PIEZO2: variants seen among roughly 807,000 people sequenced by gnomAD.
The protein encoded by PIEZO2 is piezo-type mechanosensitive ion channel component 2.
Under a neutral mutation model 337.3 loss-of-function variants are expected in PIEZO2, and 172 were observed. The ratio of observed to expected loss-of-function variants is 0.51; its 90% CI spans 0.45 to 0.58. PIEZO2 has a LOEUF of 0.58. Ranked by LOEUF, PIEZO2 falls within the 20% of genes least tolerant of loss-of-function variation. The pLI is 0.00. For missense variants in PIEZO2, 3,028 were observed against 3,391.3 expected, an observed-to-expected ratio of 0.89 and a Z score of 2.66; for synonymous variants, 1,251 against 1,228.5, an observed-to-expected ratio of 1.02 and a Z score of -0.38.
chr18:10,902,054 T>C (rs1345627164), intron 4 of PIEZO2, among the ~76,000 whole-genome samples: 1 of 152,228 alleles, frequency 6.6e-6, no homozygotes, highest in Admixed American at 6.5e-5. Flanking sequence ...CTCCACCTCC[T>C]GTCAGATTAG....
chr18:11,060,840 T>C (rs1309604933), intron 2 of PIEZO2, among the ~76,000 whole-genome samples: 1 of 148,866 alleles, frequency 6.7e-6, no homozygotes, highest in African/African-American at 2.5e-5. Flanking sequence ...AAGGAGGAGC[T>C]GGTACCATTC....
At position 10,769,226 on chromosome 18, in the gene PIEZO2, G is replaced by C. The variant is rs60294018; in HGVS notation, c.2946+922C>G. ...GATTTGGGCTCCATTTAACGTATAC[G>C]CCCAGTGACTTAACATTGGAGCCGC... On this transcript the variant is annotated intron_variant, in intron 21 of 55. Transcript: ENST00000674853. 9.5e-3 allele frequency among the ~76,000 whole-genome samples: 1,443 copies of C among 152,166 alleles called. 27 individuals carry two copies. Among genetic ancestry groups the C allele is most frequent in the African/African-American group, 0.033 (1,379 of 41,510 alleles).
At chr18:10,708,808 T>C (rs2035696049) in intron 39 of PIEZO2, among the ~76,000 whole-genome samples, 1 of 152,246 alleles carries the variant, frequency 6.6e-6, no homozygotes, top group Non-Finnish European at 1.5e-5. Context: ...ATGCTTTATT[T>C]GGAGCTTGCA....
chr18:10,944,999 G>T (rs376510988), intron 3 of PIEZO2, among the ~76,000 whole-genome samples: 1 of 152,128 alleles, frequency 6.6e-6, no homozygotes, highest in Non-Finnish European at 1.5e-5. Flanking sequence ...TACTCCCTCA[G>T]TAGAGGAGAC....
At chr18:11,019,127 T>C (rs929089694) in intron 2 of PIEZO2, among the ~76,000 whole-genome samples, 2 of 152,164 alleles carry the variant, frequency 1.3e-5, no homozygotes, top group Non-Finnish European at 2.9e-5. Context: ...GATGTCTCCA[T>C]TGACGTAGGT....
Position 10,813,929 on chromosome 18 carries a change from T to C in PIEZO2, c.918-6655A>G, listed in dbSNP as rs910065597. ...GCCAAGTCTTGTTATTTTATGCTTT[T>C]CAGAGTAGTCATCCTAATAGGTGTG... On this transcript the variant is annotated intron_variant, in intron 7 of 55. Transcript: ENST00000674853. This position sits in a 1 kb window ranked among gnomAD's most constrained non-coding sequence, Gnocchi z 4.2. Among the ~76,000 whole-genome samples the C allele has an allele frequency of 4.6e-5, 7 of 152,074 alleles. No individual in the cohort carries two copies. Among genetic ancestry groups the C allele is most frequent in the Admixed American group, 2.6e-4 (4 of 15,260 alleles).
rs1380330050 is a variant in PIEZO2 at position 10,807,103 on chromosome 18, T to C, written c.1080+9A>G. 7 of 1,530,956 alleles carry C rather than the reference T, an allele frequency of 4.6e-6. No individual in the cohort carries two copies. The highest frequency in any genetic ancestry group is 6.1e-6 in the Non-Finnish European group (7 of 1,143,048). 94.8% of individuals were successfully genotyped at this position (1,530,956 alleles called of 1,614,324 possible). ...GCAGACAAGATCATGAAAATGTTTT[T>C]GTCCTTACAAGGGGCTCTTGCAGCC... On this transcript the variant is annotated intron_variant, in intron 8 of 55. Transcript: ENST00000674853.
rs1229567254 is a variant in PIEZO2, at chr18:10,759,553, A to G, written c.3686T>C (p.Phe1229Ser). 2 of 1,537,358 alleles carry G rather than the reference A, an allele frequency of 1.3e-6. No homozygotes were observed. Among genetic ancestry groups the G allele is most frequent in the Non-Finnish European group, 1.7e-6 (2 of 1,146,942 alleles). The change falls in exon 26 of 56, where the codon TTC becomes TCC. Residue 1229 changes from phenylalanine to serine, a missense_variant. Physicochemically the swap from Phe to Ser is radical, Grantham distance 155. Coordinates refer to ENST00000674853, the MANE Select transcript of PIEZO2 (RefSeq NM_001378183.1). The surrounding 1 kb of genome is among the most constrained non-coding windows in gnomAD (Gnocchi z 5.5). Reference sequence around the variant, plus strand: ...CAGCCACTTTATGATGTTGTCATTGAAGCTGGCACCCTTGAATCTCCACGG... The same window carrying G: ...CAGCCACTTTATGATGTTGTCATTGGAGCTGGCACCCTTGAATCTCCACGG... ...DYPWRFKGASFNDNIIKWLYF... is the reference protein window; with the variant it reads ...DYPWRFKGASSNDNIIKWLYF...
intron 2 of PIEZO2, among the ~76,000 whole-genome samples, chr18:10,994,001 G>A (rs1355891255): frequency 2.0e-5 from 3 of 151,924 alleles, no homozygotes; most frequent in Admixed American, 6.6e-5. Context: ...TTTATCCCTC[G>A]CCCCTTCCCA....
intron 7 of PIEZO2, among the ~76,000 whole-genome samples, chr18:10,842,939 T>G (rs988917257): frequency 6.6e-6 from 1 of 152,222 alleles, no homozygotes; most frequent in Non-Finnish European, 1.5e-5. Flanking sequence ...TTTAAAAGTA[T>G]CTTGCTTCTC....
chr18:11,055,210 C>A (rs1487154077), intron 2 of PIEZO2, among the ~76,000 whole-genome samples: 590 of 79,390 alleles, frequency 7.4e-3, no homozygotes, highest in Non-Finnish European at 9.9e-3. Context: ...GACTCTGTCT[C>A]AAAAAAAAAA....
rs778455895 is a variant in PIEZO2, at chr18:10,813,662, C to A, written c.918-6388G>T. On this transcript the variant is annotated intron_variant, in intron 7 of 55. Transcript: ENST00000674853. This position sits in a 1 kb window ranked among gnomAD's most constrained non-coding sequence, Gnocchi z 4.2. Reference sequence around the variant, plus strand: ...ATTCATCTGTTGATGGCACTTCCACCTTCTGACTATTGTTCATAACGCTGT... The same window carrying A: ...ATTCATCTGTTGATGGCACTTCCACATTCTGACTATTGTTCATAACGCTGT... Among the ~76,000 whole-genome samples the A allele has an allele frequency of 2.0e-5, 3 of 152,124 alleles. No individual in the cohort carries two copies. The highest frequency in any genetic ancestry group is 4.8e-5 in the African/African-American group (2 of 41,414).
intron 2 of PIEZO2, among the ~76,000 whole-genome samples, chr18:11,005,168 A>G (rs1029321274): frequency 6.6e-6 from 1 of 152,186 alleles, no homozygotes; most frequent in Non-Finnish European, 1.5e-5. Flanking sequence ...TGGGGGAAAA[A>G]CAATTAGGCT....
At chr18:10,686,505 T>C (rs2034551212) in intron 49 of PIEZO2, among the ~76,000 whole-genome samples, 1 of 152,236 alleles carries the variant, frequency 6.6e-6, no homozygotes, top group Non-Finnish European at 1.5e-5. Flanking sequence ...TGTGCGTTTG[T>C]AAATAGGCAA....
intron 2 of PIEZO2, among the ~76,000 whole-genome samples, chr18:10,987,150 T>G (rs544845720): frequency 6.6e-6 from 1 of 152,192 alleles, no homozygotes; most frequent in South Asian, 2.1e-4. Flanking sequence ...AATCTACAGA[T>G]TCAATGCAAT....
At position 10,845,186 on chromosome 18, in the gene PIEZO2, TTG is replaced by T. The variant is rs549023682; in HGVS notation, c.917+10165_917+10166del. On this transcript the variant is annotated intron_variant, in intron 7 of 55. Coordinates refer to ENST00000674853, the MANE Select transcript of PIEZO2 (RefSeq NM_001378183.1). ...ATAATTATTATTATAATTTTTCCCA[TTG>T]TGTGTGTGTGTGTATATATATATAT... is the stretch of plus-strand genomic sequence containing the variant. Among the ~76,000 whole-genome samples, 957 of 136,896 alleles carry T rather than the reference TTG, an allele frequency of 7.0e-3. 11 individuals are homozygous for T. Among genetic ancestry groups the T allele is most frequent in the African/African-American group, 0.023 (840 of 36,634 alleles). 89.8% of individuals were successfully genotyped at this position (136,896 alleles called of 152,430 possible).
At chr18:11,095,223 A>T (rs1424776623) in intron 1 of PIEZO2, among the ~76,000 whole-genome samples, 1 of 152,192 alleles carries the variant, frequency 6.6e-6, no homozygotes, top group Non-Finnish European at 1.5e-5. Flanking sequence ...ATAAACAAAA[A>T]CCTTATCAGC....
At position 10,725,474 on chromosome 18, in the gene PIEZO2, T is replaced by C. The variant is rs1260697680; in HGVS notation, c.5029+5933A>G. The C allele has an allele frequency of 1.1e-5, 17 of 1,534,804 alleles. No individual in the cohort carries two copies. The South Asian group carries it at 2.0e-4, about 18-fold the overall frequency. On this transcript the variant is annotated intron_variant, in intron 36 of 55. Coordinates refer to ENST00000674853, the MANE Select transcript of PIEZO2 (RefSeq NM_001378183.1). Reference sequence around the variant, plus strand: ...GGCATGAAATAGGTCAGGGTGTGGGTATCCGGGTGGATGGGTAGGCATGAA... The same window carrying C: ...GGCATGAAATAGGTCAGGGTGTGGGCATCCGGGTGGATGGGTAGGCATGAA...
chr18:10,787,127 A>T lies in PIEZO2; in HGVS notation c.2227T>A (p.Tyr743Asn). Reference sequence around the variant, plus strand: ...ATAAAGATAAGCACCAGCATAGTGTAAATAACCACTGACATCCAAAAATAT... The same window carrying T: ...ATAAAGATAAGCACCAGCATAGTGTTAATAACCACTGACATCCAAAAATAT... ...LKYFWMSVVI[Y>N]TMLVLIFIYT... Residue 743 changes from tyrosine to asparagine, a missense_variant, in exon 16 of 56, where the codon TAC becomes AAC. Tyr to Asn is a moderately radical substitution (Grantham distance 143). Transcript: ENST00000674853. The T allele has an allele frequency of 6.5e-7, 1 of 1,536,028 alleles. No individual in the cohort carries two copies. Among genetic ancestry groups the T allele is most frequent in the Non-Finnish European group, 8.7e-7 (1 of 1,146,216 alleles).
Sources: gnomAD v4.1 joint callset for allele counts (sites outside exome capture counted in the v4.1 genomes callset) on GRCh38, gnomAD v4.1.1 for gene constraint, Gnocchi (gnomAD v3.1) non-coding constraint, MANE v1.5 for transcripts, NCBI Gene and HGNC (gene_info 2026-07-23, HGNC 2026-07-21) for gene names.